Variants in STK3 observed in about 807,000 individuals in gnomAD.
STK3 encodes the protein serine/threonine-protein kinase 3.
In STK3, 41 loss-of-function variants were observed where a neutral mutation model predicts 58.0. The observed-to-expected ratio is 0.71, with a 90% CI of 0.55 to 0.92. STK3 has a LOEUF of 0.92. Among genes scored for constraint, STK3 ranks in the 40% least tolerant of loss-of-function variants. STK3 has a pLI of 0.00. For synonymous variants in STK3, 170 were observed against 191.0 expected, an observed-to-expected ratio of 0.89 and a Z score of 0.91; for missense variants, 479 against 602.7, an observed-to-expected ratio of 0.79 and a Z score of 2.15.
intron 1 of STK3, among the ~76,000 whole-genome samples, chr8:98,448,537 G>A (rs1020533528): frequency 4.6e-5 from 7 of 152,098 alleles, no homozygotes; most frequent in African/African-American, 7.2e-5. Context: ...TAACATGGTC[G>A]GTATACACTG....
intron 6 of STK3, among the ~76,000 whole-genome samples, chr8:98,650,564 G>A (rs1364391436): frequency 6.6e-6 from 1 of 152,272 alleles, no homozygotes; most frequent in African/African-American, 2.4e-5. Context: ...AGCGCAAGGG[G>A]TCAGGGAGTC....
chr8:98,614,727 A>C (rs1293583849), intron 6 of STK3, among the ~76,000 whole-genome samples: 1 of 152,144 alleles, frequency 6.6e-6, no homozygotes, highest in Non-Finnish European at 1.5e-5. Flanking sequence ...GGTCACTCTC[A>C]CCCGAATACT....
intron 6 of STK3, among the ~76,000 whole-genome samples, chr8:98,683,042 G>T (rs919025230): frequency 2.0e-5 from 3 of 151,966 alleles, no homozygotes; most frequent in African/African-American, 7.2e-5. Context: ...AATGCTTAAT[G>T]GTTGTCTGTT....
At chr8:98,770,241 T>G (rs1458585851) in intron 2 of STK3, among the ~76,000 whole-genome samples, 1 of 152,226 alleles carries the variant, frequency 6.6e-6, no homozygotes, top group South Asian at 2.1e-4. Flanking sequence ...TCCAGACCAC[T>G]CCACCACCAC....
intron 6 of STK3, among the ~76,000 whole-genome samples, chr8:98,636,080 A>C (rs1322432459): frequency 6.6e-6 from 1 of 152,138 alleles, no homozygotes. Context: ...ATAGTAAAAA[A>C]CAGAACAATG....
At chr8:98,712,837 T>C (rs891463923) in intron 4 of STK3, among the ~76,000 whole-genome samples, 4 of 152,154 alleles carry the variant, frequency 2.6e-5, no homozygotes, top group African/African-American at 9.7e-5. Context: ...ATACATTCTT[T>C]TCAGCACCAC....
intron 1 of STK3, among the ~76,000 whole-genome samples, chr8:98,940,708 C>T (rs1211727085): frequency 6.6e-6 from 1 of 152,242 alleles, no homozygotes; most frequent in East Asian, 1.9e-4. Context: ...GGAATCTGCG[C>T]CGCCCCGCAC....
intron 10 of STK3, among the ~76,000 whole-genome samples, chr8:98,474,066 C>T (rs1002543023): frequency 6.6e-6 from 1 of 152,138 alleles, no homozygotes; most frequent in Non-Finnish European, 1.5e-5. Context: ...GGCTCTTCCA[C>T]CATCCAACTA....
intron 4 of STK3, among the ~76,000 whole-genome samples, chr8:98,747,576 T>C (rs991856444): frequency 1.3e-5 from 2 of 152,204 alleles, no homozygotes; most frequent in African/African-American, 4.8e-5. Flanking sequence ...AAATAGGATG[T>C]TACGTATCTT....
chr8:98,433,611 C>T (rs188838419), intron 3 of STK3, among the ~76,000 whole-genome samples: 1 of 152,282 alleles, frequency 6.6e-6, no homozygotes, highest in East Asian at 1.9e-4. Flanking sequence ...ATCCTTAAAG[C>T]CCTCCCTACC....
chr8:98,907,655 A>C (rs1838969967), intron 1 of STK3, among the ~76,000 whole-genome samples: 1 of 152,258 alleles, frequency 6.6e-6, no homozygotes, highest in Admixed American at 6.5e-5. Context: ...AAAATATTTC[A>C]ATATGTATCC....
chr8:98,866,655 C>G (rs1478090464), intron 3 of STK3, among the ~76,000 whole-genome samples: 1 of 152,198 alleles, frequency 6.6e-6, no homozygotes, highest in African/African-American at 2.4e-5. Flanking sequence ...GAAACAGATT[C>G]TGAAATGGAG....
intron 3 of STK3, among the ~76,000 whole-genome samples, chr8:98,417,789 T>C (rs1246075901): frequency 6.6e-6 from 1 of 152,182 alleles, no homozygotes; most frequent in Non-Finnish European, 1.5e-5. Flanking sequence ...AAAGAGGCCG[T>C]CCCAGCCAAG....
Position 98,474,772 on chromosome 8 carries a change from C to T in STK3, c.1318-18772G>A, listed in dbSNP as rs1018608594. On this transcript the variant is annotated intron_variant, in intron 10 of 10. Transcript: ENST00000419617. ...ACTGAGTTACTTTTTTCTCCATATACCTAAAGATAATTTTGCATATGTCTC... is the reference window on the plus strand; with the variant it reads ...ACTGAGTTACTTTTTTCTCCATATATCTAAAGATAATTTTGCATATGTCTC... Among the ~76,000 whole-genome samples the T allele has an allele frequency of 5.3e-5, 8 of 152,048 alleles. No homozygotes were observed. The East Asian group carries it at 1.5e-3, about 29-fold the overall frequency.
chr8:98,883,944 G>A, intron 1 of STK3: 1 of 509,032 alleles, frequency 2.0e-6, no homozygotes, highest in Non-Finnish European at 3.5e-6. Flanking sequence ...GAACAGGGAG[G>A]GGAGAGCAAA....
chr8:98,871,593 T>C (rs1326953439), intron 3 of STK3, among the ~76,000 whole-genome samples: 1 of 152,132 alleles, frequency 6.6e-6, no homozygotes, highest in Non-Finnish European at 1.5e-5. Flanking sequence ...GTATTTATTC[T>C]CATTGAAGCA....
chr8:98,749,230 T>C, intron 4 of STK3, 46 bp downstream of exon 4: 2 of 1,381,536 alleles, frequency 1.4e-6, no homozygotes, highest in South Asian at 1.2e-5. Flanking sequence ...TTCTAAAATA[T>C]CAATCTTTAG....
intron 4 of STK3, among the ~76,000 whole-genome samples, chr8:98,721,796 C>CA (rs1204126669): frequency 6.6e-6 from 1 of 152,056 alleles, no homozygotes; most frequent in Non-Finnish European, 1.5e-5. Flanking sequence ...CTGTGAATAA[C>CA]AGCACATATA....
chr8:98,456,814 G>T (rs1819524474), intron 10 of STK3, among the ~76,000 whole-genome samples: 1 of 152,160 alleles, frequency 6.6e-6, no homozygotes, highest in Admixed American at 6.5e-5. Flanking sequence ...TATGAGTCAA[G>T]CTAGGAAAAA....
Sources: allele counts gnomAD v4.1 joint callset (sites outside exome capture counted in the v4.1 genomes callset), GRCh38; gene constraint gnomAD v4.1.1; transcripts MANE v1.5; gene names NCBI Gene and HGNC (gene_info 2026-07-23, HGNC 2026-07-21).